The following BANK1 variants were observed in gnomAD, a reference collection of about 807,000 sequenced individuals.
BANK1 encodes the protein B cell scaffold protein with ankyrin repeats 1.
A neutral mutation model predicts 94.5 loss-of-function variants in BANK1; 95 were observed. The observed-to-expected ratio is 1.00, with a 90% CI of 0.85 to 1.19. The LOEUF (loss-of-function observed/expected upper bound fraction) is 1.19. Ranked by LOEUF, BANK1 falls within the 50% of genes most tolerant of loss-of-function variation. The probability of loss-of-function intolerance (pLI) is 0.00; values close to 1 mark genes in which losing one functional copy is unlikely to be tolerated. For synonymous variants in BANK1, 334 were observed against 308.4 expected, an observed-to-expected ratio of 1.08 and a Z score of -0.87; for missense variants, 987 against 932.2, an observed-to-expected ratio of 1.06 and a Z score of -0.77.
At chr4:101,908,451 C>T (rs546025090) in intron 6 of BANK1, among the ~76,000 whole-genome samples, 131 of 152,250 alleles carry the variant, frequency 8.6e-4, no homozygotes, top group Admixed American at 8.1e-3. Context: ...ACCATAAAAA[C>T]CCTAGAAGAA....
At chr4:102,057,798 A>G (rs1481182340) in intron 11 of BANK1, among the ~76,000 whole-genome samples, 1 of 152,214 alleles carries the variant, frequency 6.6e-6, no homozygotes, top group Non-Finnish European at 1.5e-5. Context: ...TCCATGGGAA[A>G]GCCTAATTAT....
chr4:101,998,135 T>G (rs905801115), intron 7 of BANK1, among the ~76,000 whole-genome samples: 1 of 152,208 alleles, frequency 6.6e-6, no homozygotes, highest in Non-Finnish European at 1.5e-5. Context: ...CCCATTGGTT[T>G]CAAATAATTT....
chr4:101,855,936 T>C (rs1727662695), intron 3 of BANK1, among the ~76,000 whole-genome samples: 1 of 152,146 alleles, frequency 6.6e-6, no homozygotes, highest in Non-Finnish European at 1.5e-5. Flanking sequence ...AATGAACCAC[T>C]AAAATAAGCC....
chr4:102,066,202 A>C (rs932349249), intron 13 of BANK1, among the ~76,000 whole-genome samples: 1 of 152,166 alleles, frequency 6.6e-6, no homozygotes, highest in Non-Finnish European at 1.5e-5. Context: ...AAAGGAAAAA[A>C]AAATTCAATA....
rs1286243354 is a variant in BANK1 at position 102,025,216 on chromosome 4, C to A, written c.1301C>A (p.Ala434Glu). Residue 434 changes from alanine to glutamate, a missense_variant, in exon 9 of 17, where the codon GCA becomes GAA. Ala to Glu is a moderately radical substitution (Grantham distance 107). Transcript: ENST00000322953. The part of the protein sequence containing the change: ...STYIPSTQNP[A>E]FHHESRKTYG... ...TCATAAACAGCCACACAGAACCCAGCATTTCATCATGAAAGCAGGAAGACA... is the reference window on the plus strand; with the variant it reads ...TCATAAACAGCCACACAGAACCCAGAATTTCATCATGAAAGCAGGAAGACA... The A allele has an allele frequency of 6.2e-7, 1 of 1,614,042 alleles. No individual in the cohort carries two copies. Among genetic ancestry groups the A allele is most frequent in the Admixed American group, 1.7e-5 (1 of 60,016 alleles).
In BANK1 at chr4:102,073,766, T is replaced by TATATTTTTTAGAAA. The variant is rs758648751; in HGVS notation, c.*5+21_*5+34dup. 1.6e-5 allele frequency: 26 copies of TATATTTTTTAGAAA among 1,581,628 alleles called. No homozygotes were observed. Among genetic ancestry groups the TATATTTTTTAGAAA allele is most frequent in the Non-Finnish European group, 2.2e-5 (25 of 1,157,708 alleles). On this transcript the variant is annotated intron_variant, in intron 16 of 16. Coordinates refer to ENST00000322953, the MANE Select transcript of BANK1 (RefSeq NM_017935.5). ...TAAAGAAGGTAAAATATTAGCTGTGTATATTTTTTAGAAAATCTAAAGCAG... is the reference window on the plus strand; with the variant it reads ...TAAAGAAGGTAAAATATTAGCTGTGTATATTTTTTAGAAAATATTTTTTAGAAAATCTAAAGCAG...
In BANK1 at chr4:101,852,491, TATATATATATATAC is replaced by T. The variant is rs1438483224; in HGVS notation, c.470-2542_470-2529del. On this transcript the variant is annotated intron_variant, in intron 2 of 16. Coordinates refer to ENST00000322953, the MANE Select transcript of BANK1 (RefSeq NM_017935.5). The stretch of plus-strand genomic sequence containing the variant: ...TCGGCTATATATATATATATATATA[TATATATATATATAC>T]ACACACACATATAGTCTATTCTCAT... Among the ~76,000 whole-genome samples the T allele has an allele frequency of 8.4e-3, 941 of 112,604 alleles. 20 individuals carry two copies. Among genetic ancestry groups the T allele is most frequent in the African/African-American group, 0.03 (899 of 30,114 alleles). The allele number at this position is 112,604 out of a possible 152,430, so 73.9% of individuals were successfully genotyped here.
At chr4:101,930,619 C>T (rs1224701501) in intron 7 of BANK1, among the ~76,000 whole-genome samples, 4 of 151,470 alleles carry the variant, frequency 2.6e-5, no homozygotes, top group Non-Finnish European at 4.4e-5. Flanking sequence ...TTTTATAGTA[C>T]TTGCTATGTA....
chr4:101,839,667 C>G (rs1726957521), intron 2 of BANK1, among the ~76,000 whole-genome samples: 1 of 152,226 alleles, frequency 6.6e-6, no homozygotes, highest in Admixed American at 6.5e-5. Context: ...ATCATCCCTT[C>G]AATTCTTAAG....
chr4:101,831,804 T>A (rs1483016659), intron 2 of BANK1, among the ~76,000 whole-genome samples: 1 of 152,216 alleles, frequency 6.6e-6, no homozygotes, highest in Non-Finnish European at 1.5e-5. Context: ...CAAGTTTCTC[T>A]AAATTTTAGC....
chr4:101,958,677 T>A (rs1724455554), intron 7 of BANK1, among the ~76,000 whole-genome samples: 1 of 152,202 alleles, frequency 6.6e-6, no homozygotes, highest in Admixed American at 6.5e-5. Context: ...TCTGATGAGC[T>A]AAGCATGTGG....
intron 1 of BANK1, among the ~76,000 whole-genome samples, chr4:101,804,584 C>T (rs977290726): frequency 1.3e-5 from 2 of 152,144 alleles, no homozygotes; most frequent in Non-Finnish European, 2.9e-5. Context: ...AGATTGAGGT[C>T]TGCAGCTGCA....
chr4:101,920,158 G>A (rs978057123), intron 7 of BANK1, among the ~76,000 whole-genome samples: 5 of 151,922 alleles, frequency 3.3e-5, no homozygotes, highest in Admixed American at 6.6e-5. Context: ...ACCCGTAGGT[G>A]GGAATTGAAC....
chr4:101,952,497 T>G (rs1330537094), intron 7 of BANK1, among the ~76,000 whole-genome samples: 1 of 152,106 alleles, frequency 6.6e-6, no homozygotes, highest in Non-Finnish European at 1.5e-5. Flanking sequence ...ACATTTATAT[T>G]TAGTAATTCA....
At chr4:102,067,722 T>C (rs1728639633) in intron 13 of BANK1, among the ~76,000 whole-genome samples, 1 of 152,034 alleles carries the variant, frequency 6.6e-6, no homozygotes, top group Non-Finnish European at 1.5e-5. Flanking sequence ...TTTTCACTTC[T>C]TTCTTAGTAA....
intron 7 of BANK1, among the ~76,000 whole-genome samples, chr4:101,937,146 G>A (rs78261177): frequency 6.6e-6 from 1 of 151,652 alleles, no homozygotes; most frequent in Non-Finnish European, 1.5e-5. Flanking sequence ...CCTGTCATTT[G>A]CAACACCATA....
At chr4:101,832,954 T>C (rs1159809679) in intron 2 of BANK1, among the ~76,000 whole-genome samples, 2 of 151,862 alleles carry the variant, frequency 1.3e-5, no homozygotes, top group Admixed American at 1.3e-4. Context: ...TTAGTATCTT[T>C]ATATAGATTC....
At chr4:101,792,473 T>G (rs867383656) in intron 1 of BANK1, among the ~76,000 whole-genome samples, 1,936 of 126,738 alleles carry the variant, frequency 0.015, 42 homozygotes, top group African/African-American at 0.052. Context: ...GTGTGTGTTT[T>G]TTTTTTTTTA....
chr4:101,889,494 A>G (rs1358277862), intron 5 of BANK1, among the ~76,000 whole-genome samples: 10 of 149,048 alleles, frequency 6.7e-5, no homozygotes, highest in African/African-American at 2.5e-4. Context: ...GCTACTCGGG[A>G]GGCTGAGGCA....
Sources: gnomAD v4.1 joint callset for allele counts (sites outside exome capture counted in the v4.1 genomes callset) on GRCh38, gnomAD v4.1.1 for gene constraint, MANE v1.5 for transcripts, NCBI Gene and HGNC (gene_info 2026-07-23, HGNC 2026-07-21) for gene names.